STAG2: variants seen among roughly 807,000 people sequenced by gnomAD.
STAG2 encodes cohesin subunit SA-2.
STAG2 carries 14 observed loss-of-function variants against 108.1 expected under a neutral mutation model. The observed-to-expected ratio is 0.13, with a 90% CI of 0.09 to 0.20. The LOEUF (loss-of-function observed/expected upper bound fraction) is 0.20, where lower values mean the gene tolerates loss of function less well. STAG2 is among the 10% of genes least tolerant of loss of function. The pLI, the probability that STAG2 is intolerant of heterozygous loss-of-function variation, is 1.00. For missense variants in STAG2, 440 were observed against 940.9 expected (o/e 0.47, Z 6.96); for synonymous variants, 307 against 302.7 (o/e 1.01, Z -0.15).
chrX:124,053,679 T>C (rs989683812), intron 13 of STAG2, among the ~76,000 whole-genome samples: 1 of 111,473 alleles, frequency 9.0e-6, no homozygotes, highest in Admixed American at 9.6e-5. Context: ...TGAACACATA[T>C]GCACCACTAA....
intron 1 of STAG2, among the ~76,000 whole-genome samples, chrX:123,969,574 A>G (rs1458633539): frequency 5.4e-5 from 6 of 110,649 alleles, no homozygotes; most frequent in Non-Finnish European, 9.4e-5. Context: ...TTATCAGGTG[A>G]TAAATAGTTA....
intron 27 of STAG2, among the ~76,000 whole-genome samples, chrX:124,079,279 C>T (rs375816214): frequency 5.5e-5 from 6 of 109,108 alleles, no homozygotes; most frequent in African/African-American, 9.9e-5. Flanking sequence ...GCTGGGACTA[C>T]AGGCACCCGC....
intron 5 of STAG2, among the ~76,000 whole-genome samples, chrX:124,035,820 C>G (rs963040231): frequency 1.8e-5 from 2 of 111,744 alleles, no homozygotes; most frequent in Non-Finnish European, 3.8e-5. Context: ...GAGAAGTGTC[C>G]AGTTTGCTAG....
chrX:124,050,634 T>TA lies in STAG2; in HGVS notation c.1017+335dup, dbSNP rs59817792. Among the ~76,000 whole-genome samples, 10 of 108,742 alleles carry TA rather than the reference T, an allele frequency of 9.2e-5. No individual in the cohort carries two copies. The East Asian group carries it at 1.1e-3, about 12-fold the overall frequency. The allele number at this position is 108,742 out of a possible 115,157, so 94.4% of individuals were successfully genotyped here. ...TGTTGTTATCTGAGAGCTATATACTTAAAAAAAAAATTATTCAATTTTGAT... is the reference window on the plus strand; with the variant it reads ...TGTTGTTATCTGAGAGCTATATACTTAAAAAAAAAAATTATTCAATTTTGAT... On this transcript the variant is annotated intron_variant, in intron 11 of 34. Coordinates refer to ENST00000371145, the MANE Select transcript of STAG2 (RefSeq NM_001042750.2).
rs138815964 is a variant in STAG2, at chrX:124,094,198, A to G, written c.3705+54A>G. The G allele has an allele frequency of 2.8e-3, 3,135 of 1,112,958 alleles. 63 individuals are homozygous for G. The African/African-American group carries it at 0.051, about 18-fold the overall frequency. 91.7% of individuals were successfully genotyped at this position (1,112,958 alleles called of 1,213,427 possible). On this transcript the variant is annotated intron_variant, in intron 33 of 34. Coordinates refer to ENST00000371145, the MANE Select transcript of STAG2 (RefSeq NM_001042750.2). Reference sequence around the variant, plus strand: ...TTTCAGTTTAGATCTTTTGAAAATTATGTTGGATATTTATTAGAGTAGAGA... The same window carrying G: ...TTTCAGTTTAGATCTTTTGAAAATTGTGTTGGATATTTATTAGAGTAGAGA...
chrX:124,009,425 AGGTAGGTAGGTAGGTAGG>A (rs2056430713), intron 1 of STAG2, among the ~76,000 whole-genome samples: 2 of 86,676 alleles, frequency 2.3e-5, no homozygotes, highest in African/African-American at 7.6e-5. Context: ...GTAGGTAGGT[AGGTAGGTAGGTAGGTAGG>A]TAGATAGATA....
intron 30 of STAG2, among the ~76,000 whole-genome samples, chrX:124,088,667 T>A (rs1279912461): frequency 2.0e-5 from 2 of 101,097 alleles, no homozygotes; most frequent in African/African-American, 7.3e-5. Context: ...CAGGCTGGAG[T>A]GCAATGGTGT....
At chrX:124,004,671 A>T (rs1007500300) in intron 1 of STAG2, among the ~76,000 whole-genome samples, 1 of 112,201 alleles carries the variant, frequency 8.9e-6, no homozygotes, top group African/African-American at 3.2e-5. Context: ...ATGGGTGTAC[A>T]AATGTCTGTT....
Position 124,090,983 on chromosome X carries a change from T to C in STAG2, c.3578+19T>C, listed in dbSNP as rs2059241240. 8.3e-6 allele frequency: 9 copies of C among 1,090,827 alleles called. No homozygotes were observed. The highest frequency in any genetic ancestry group is 1.1e-5 in the Non-Finnish European group (9 of 792,897). The allele number at this position is 1,090,827 out of a possible 1,213,427, so 89.9% of individuals were successfully genotyped here. ...ATGCCATGTAAGTGAGAGTGCCTTA[T>C]TGTCTGAGTCTAGGAAGTTCACTAA... On this transcript the variant is annotated intron_variant, in intron 32 of 34. Coordinates refer to ENST00000371145, the MANE Select transcript of STAG2 (RefSeq NM_001042750.2).
At chrX:124,028,417 T>C (rs2057178830) in intron 4 of STAG2, among the ~76,000 whole-genome samples, 1 of 111,721 alleles carries the variant, frequency 9.0e-6, no homozygotes, top group Admixed American at 9.5e-5. Context: ...GATTCTATCA[T>C]GCTACTCAGA....
intron 26 of STAG2, among the ~76,000 whole-genome samples, chrX:124,077,016 A>C (rs970662519): frequency 1.8e-5 from 2 of 111,389 alleles, no homozygotes; most frequent in African/African-American, 6.5e-5. Flanking sequence ...GATAAACAGG[A>C]TATTGTTGAT....
At chrX:123,989,815 GC>G (rs1378606308) in intron 1 of STAG2, among the ~76,000 whole-genome samples, 1 of 110,194 alleles carries the variant, frequency 9.1e-6, no homozygotes, top group Non-Finnish European at 1.9e-5. Context: ...TCTTGGCCAG[GC>G]TGGTCTTGAA....
intron 6 of STAG2, among the ~76,000 whole-genome samples, chrX:124,039,204 G>A (rs1189285391): frequency 2.3e-4 from 25 of 107,415 alleles, no homozygotes; most frequent in African/African-American, 7.8e-4. Context: ...CATCCAGGCT[G>A]GAGTGTAGTG....
intron 1 of STAG2, among the ~76,000 whole-genome samples, chrX:123,988,887 A>G (rs2055317595): frequency 9.0e-6 from 1 of 111,340 alleles, no homozygotes; most frequent in South Asian, 3.8e-4. Flanking sequence ...CCAGTTAAGC[A>G]TATTGTTAAA....
intron 1 of STAG2, among the ~76,000 whole-genome samples, chrX:124,006,376 C>T (rs1298385958): frequency 9.0e-6 from 1 of 110,622 alleles, no homozygotes; most frequent in African/African-American, 3.3e-5. Flanking sequence ...TTTACATTTC[C>T]ACCAGCAGTG....
chrX:124,095,562 ATGT>A, intron 34 of STAG2, 113 bp downstream of exon 34: 2 of 563,057 alleles, frequency 3.6e-6, no homozygotes, highest in Middle Eastern at 3.3e-4. Context: ...AAACAGCTGG[ATGT>A]GAGAAAAAGA....
intron 29 of STAG2, among the ~76,000 whole-genome samples, chrX:124,084,762 A>G (rs1217552118): frequency 1.8e-5 from 2 of 112,801 alleles, no homozygotes; most frequent in Admixed American, 9.4e-5. Context: ...AATCAGAGAA[A>G]TAAAAATTAA....
chrX:124,086,506 G>C (rs2148463803), intron 29 of STAG2, 41 bp from the exon 30 acceptor site: 1 of 1,087,640 alleles, frequency 9.2e-7, no homozygotes, highest in Non-Finnish European at 1.3e-6. Flanking sequence ...ATAACCCACA[G>C]ATTTCTGTAT....
At chrX:124,051,806 G>A (rs1175949507) in intron 13 of STAG2, among the ~76,000 whole-genome samples, 1 of 111,113 alleles carries the variant, frequency 9.0e-6, no homozygotes, top group African/African-American at 3.3e-5. Flanking sequence ...TAGCCAGGAT[G>A]GTCTCGATCT....
Sources: allele counts gnomAD v4.1 joint callset (sites outside exome capture counted in the v4.1 genomes callset), GRCh38; gene constraint gnomAD v4.1.1; transcripts MANE v1.5; gene names NCBI Gene and HGNC (gene_info 2026-07-23, HGNC 2026-07-21).